KCNH7: variants seen among roughly 807,000 people sequenced by gnomAD.
KCNH7 encodes the protein voltage-gated inwardly rectifying potassium channel KCNH7.
In KCNH7, 49 loss-of-function variants were observed where a neutral mutation model predicts 120.8. The ratio of observed to expected loss-of-function variants is 0.41; its 90% CI spans 0.32 to 0.51. The LOEUF (loss-of-function observed/expected upper bound fraction) is 0.51. KCNH7 is among the 20% of genes least tolerant of loss of function. The probability of loss-of-function intolerance (pLI) is 0.38; values close to 1 mark genes in which losing one functional copy is unlikely to be tolerated. For missense variants in KCNH7, 1,097 were observed against 1,446.6 expected (o/e 0.76, Z 3.92); for synonymous variants, 547 against 516.1 (o/e 1.06, Z -0.81).
At chr2:162,490,893 A>T (rs1238892156) in intron 6 of KCNH7, among the ~76,000 whole-genome samples, 2 of 152,198 alleles carry the variant, frequency 1.3e-5, no homozygotes, top group African/African-American at 4.8e-5. Context: ...AATTCAGGAT[A>T]ATGTGATTTC....
At chr2:162,577,291 G>GTCTATCTATCTATCTA (rs201620270) in intron 2 of KCNH7, among the ~76,000 whole-genome samples, 1,342 of 127,384 alleles carry the variant, frequency 0.011, 22 homozygotes, top group East Asian at 0.044. Context: ...AGATCTATCT[G>GTCTATCTATCTATCTA]TCTATCTATC....
chr2:162,440,524 C>A (rs571003184), intron 7 of KCNH7, among the ~76,000 whole-genome samples: 1 of 152,100 alleles, frequency 6.6e-6, no homozygotes, highest in Non-Finnish European at 1.5e-5. Flanking sequence ...AAACTAGTTT[C>A]TAGTCCTTTG....
intron 2 of KCNH7, among the ~76,000 whole-genome samples, chr2:162,811,714 A>G (rs1479980379): frequency 6.6e-6 from 1 of 152,192 alleles, no homozygotes; most frequent in Non-Finnish European, 1.5e-5. Context: ...GTCATCTTGC[A>G]TAGCACAATT....
intron 2 of KCNH7, among the ~76,000 whole-genome samples, chr2:162,689,152 T>G (rs1686010491): frequency 1.3e-5 from 2 of 151,576 alleles, no homozygotes; most frequent in South Asian, 4.2e-4. Context: ...ACTATTATTA[T>G]TATTATTATT....
At chr2:162,516,541 A>G (rs961468164) in intron 4 of KCNH7, among the ~76,000 whole-genome samples, 4 of 151,798 alleles carry the variant, frequency 2.6e-5, no homozygotes, top group Admixed American at 2.6e-4. Context: ...GGCTAGAAAA[A>G]TAAGTGTGAT....
intron 7 of KCNH7, among the ~76,000 whole-genome samples, chr2:162,441,999 CTTTTTTTT>C (rs779418084): frequency 9.6e-5 from 4 of 41,572 alleles, no homozygotes; most frequent in South Asian, 1.9e-3. Flanking sequence ...GTTAGGTCTT[CTTTTTTTT>C]TTTTTTTTTT....
At chr2:162,514,754 T>C (rs1212503822) in intron 4 of KCNH7, among the ~76,000 whole-genome samples, 1 of 151,830 alleles carries the variant, frequency 6.6e-6, no homozygotes, top group Non-Finnish European at 1.5e-5. Flanking sequence ...AACAAAATTC[T>C]GGTTCTTCAT....
intron 2 of KCNH7, among the ~76,000 whole-genome samples, chr2:162,648,110 T>C (rs1684431626): frequency 6.6e-6 from 1 of 152,158 alleles, no homozygotes; most frequent in Non-Finnish European, 1.5e-5. Context: ...TAGTCCATTC[T>C]CACACTGCTA....
intron 2 of KCNH7, among the ~76,000 whole-genome samples, chr2:162,723,712 TA>T: frequency 6.6e-6 from 1 of 152,346 alleles, no homozygotes; most frequent in South Asian, 2.1e-4. Context: ...CAAATATATT[TA>T]AAACCCAAAT....
chr2:162,639,112 A>T (rs1313945185), intron 2 of KCNH7, among the ~76,000 whole-genome samples: 4 of 152,096 alleles, frequency 2.6e-5, no homozygotes, highest in Non-Finnish European at 5.9e-5. Context: ...ATTAACAAAC[A>T]TCCCTTGGTG....
intron 7 of KCNH7, among the ~76,000 whole-genome samples, chr2:162,445,122 T>G (rs922792766): frequency 5.3e-5 from 8 of 152,158 alleles, no homozygotes; most frequent in African/African-American, 1.7e-4. Context: ...TTGGTTCCCC[T>G]TGGTCGAGGA....
chr2:162,804,514 A>G (rs1267794242), intron 2 of KCNH7, among the ~76,000 whole-genome samples: 5 of 151,954 alleles, frequency 3.3e-5, no homozygotes, highest in Non-Finnish European at 7.4e-5. Flanking sequence ...AACAAACAAA[A>G]AACAACCTAG....
chr2:162,729,252 A>G (rs1009520014), intron 2 of KCNH7, among the ~76,000 whole-genome samples: 16 of 137,472 alleles, frequency 1.2e-4, no homozygotes, highest in African/African-American at 4.5e-4. Context: ...TGCAAGCTCC[A>G]CCTCCCGGGT....
chr2:162,380,446 C>A (rs1172759444), intron 13 of KCNH7, among the ~76,000 whole-genome samples: 2 of 152,112 alleles, frequency 1.3e-5, no homozygotes, highest in Admixed American at 6.6e-5. Context: ...AACTTGCATA[C>A]GTTATGACTT....
At chr2:162,492,096 T>C (rs1356874522) in intron 6 of KCNH7, among the ~76,000 whole-genome samples, 1 of 152,208 alleles carries the variant, frequency 6.6e-6, no homozygotes, top group East Asian at 1.9e-4. Flanking sequence ...GTCAGACTTC[T>C]GGCCTCCCTC....
intron 2 of KCNH7, among the ~76,000 whole-genome samples, chr2:162,622,290 A>G (rs1441367887): frequency 6.6e-6 from 1 of 152,166 alleles, no homozygotes; most frequent in Non-Finnish European, 1.5e-5. Context: ...ATATGATGAT[A>G]TGGAGGCTTC....
intron 3 of KCNH7, 53 bp from the exon 4 acceptor site, chr2:162,518,211 T>C: frequency 3.0e-6 from 4 of 1,313,492 alleles, no homozygotes; most frequent in Non-Finnish European, 4.2e-6. Context: ...ATATATCCTG[T>C]AACAAAAACA....
chr2:162,384,592 G>T (rs1322398979), intron 13 of KCNH7, 96 bp downstream of exon 13: 5 of 1,167,546 alleles, frequency 4.3e-6, no homozygotes, highest in Non-Finnish European at 6.1e-6. Flanking sequence ...AGAACAATTA[G>T]ATTAACATGT....
chr2:162,776,968 C>G (rs964215512), intron 2 of KCNH7, among the ~76,000 whole-genome samples: 5 of 152,132 alleles, frequency 3.3e-5, no homozygotes, highest in Non-Finnish European at 7.4e-5. Flanking sequence ...TTCACTCTTT[C>G]CCTGTTCTCA....
Sources: allele counts gnomAD v4.1 joint callset (sites outside exome capture counted in the v4.1 genomes callset), GRCh38; gene constraint gnomAD v4.1.1; transcripts MANE v1.5; gene names NCBI Gene and HGNC (gene_info 2026-07-23, HGNC 2026-07-21).